PLEKHA7: variants seen among roughly 807,000 people sequenced by gnomAD.
PLEKHA7 encodes pleckstrin homology domain containing A7, also known as pleckstrin homology domain-containing family A member 7.
A neutral mutation model predicts 170.0 loss-of-function variants in PLEKHA7; 104 were observed. That is an observed-to-expected ratio of 0.61 (90% CI 0.52 to 0.72). The LOEUF (loss-of-function observed/expected upper bound fraction) is 0.72, where lower values mean the gene tolerates loss of function less well. Among genes scored for constraint, PLEKHA7 ranks in the 30% least tolerant of loss-of-function variants. The probability of loss-of-function intolerance (pLI) is 0.00; values close to 1 mark genes in which losing one functional copy is unlikely to be tolerated. For synonymous variants in PLEKHA7, 648 were observed against 660.8 expected (o/e 0.98, Z 0.30); for missense variants, 1,615 against 1,671.7 (o/e 0.97, Z 0.59).
chr11:16,975,509 T>C (rs4756880), intron 3 of PLEKHA7, among the ~76,000 whole-genome samples: 146,422 of 152,240 alleles, frequency 0.96, 70,655 homozygotes, highest in Non-Finnish European at 1. Context: ...ATGGGTTCCA[T>C]GTCAGAGAAC....
intron 3 of PLEKHA7, among the ~76,000 whole-genome samples, chr11:16,966,171 A>G (rs1862359813): frequency 6.6e-6 from 1 of 152,180 alleles, no homozygotes; most frequent in Non-Finnish European, 1.5e-5. Context: ...CGACAGAGCA[A>G]GACTCCATCT....
intron 3 of PLEKHA7, among the ~76,000 whole-genome samples, chr11:16,871,633 T>C (rs532353012): frequency 4.6e-5 from 7 of 152,322 alleles, no homozygotes; most frequent in African/African-American, 1.7e-4. Flanking sequence ...AAAATCTATC[T>C]TCTGAAAATT....
intron 3 of PLEKHA7, among the ~76,000 whole-genome samples, chr11:16,911,639 G>C (rs1246790281): frequency 1.3e-5 from 2 of 152,000 alleles, no homozygotes; most frequent in East Asian, 3.9e-4. Flanking sequence ...CAGAAGTGAG[G>C]TCTCGGGGAT....
chr11:17,002,105 T>C (rs920255443), intron 3 of PLEKHA7, among the ~76,000 whole-genome samples: 1 of 152,176 alleles, frequency 6.6e-6, no homozygotes, highest in African/African-American at 2.4e-5. Context: ...CACAGTTCTG[T>C]GTGGGGACTA....
chr11:16,919,529 G>A (rs1355817357), intron 3 of PLEKHA7, among the ~76,000 whole-genome samples: 1 of 151,974 alleles, frequency 6.6e-6, no homozygotes, highest in Non-Finnish European at 1.5e-5. Flanking sequence ...AAAACACTTA[G>A]CCAAGCATGG....
chr11:16,889,142 C>T (rs986558473), intron 3 of PLEKHA7, among the ~76,000 whole-genome samples: 1 of 151,022 alleles, frequency 6.6e-6, no homozygotes, highest in African/African-American at 2.4e-5. Flanking sequence ...CAACATTCCA[C>T]CATTGTGACT....
chr11:16,857,562 T>A lies in PLEKHA7; in HGVS notation c.306-1648A>T, dbSNP rs1423003611. The stretch of plus-strand genomic sequence containing the variant: ...TCCAGACAGAACTATGTCCAAAACA[T>A]CCTGGAACCTGGTCTTGTCTAACTC... On this transcript the variant is annotated intron_variant, in intron 4 of 26. Coordinates refer to ENST00000531066, the MANE Select transcript of PLEKHA7 (RefSeq NM_001329630.2). Among the ~76,000 whole-genome samples, 4 of 152,284 alleles carry A rather than the reference T, an allele frequency of 2.6e-5. No homozygotes were observed. The East Asian group carries it at 5.8e-4, about 22-fold the overall frequency.
chr11:16,968,294 G>T (rs1040029640), intron 3 of PLEKHA7, among the ~76,000 whole-genome samples: 6 of 152,124 alleles, frequency 3.9e-5, no homozygotes, highest in African/African-American at 1.4e-4. Context: ...CTCAGCTCTG[G>T]GCACAGAGAC....
At position 16,791,703 on chromosome 11, in the gene PLEKHA7, C is replaced by A; in HGVS notation, c.2746-504G>T. On this transcript the variant is annotated intron_variant, in intron 19 of 26. Transcript: ENST00000531066. The surrounding 1 kb of genome is among the most constrained non-coding windows in gnomAD (Gnocchi z 4.5). ...ACCTGAACAAGGACAGAGTCTACATCCTCCTGGCCTTTCTATCAGAAATGT... is the reference window on the plus strand; with the variant it reads ...ACCTGAACAAGGACAGAGTCTACATACTCCTGGCCTTTCTATCAGAAATGT... 2.2e-6 allele frequency: 1 copy of A among 457,582 alleles called. No individual in the cohort carries two copies. Among genetic ancestry groups the A allele is most frequent in the Non-Finnish European group, 4.4e-6 (1 of 227,644 alleles). 28.3% of individuals were successfully genotyped at this position (457,582 alleles called of 1,614,324 possible).
intron 9 of PLEKHA7, among the ~76,000 whole-genome samples, chr11:16,834,643 C>T (rs1009423537): frequency 7.2e-5 from 11 of 152,176 alleles, no homozygotes; most frequent in African/African-American, 2.4e-4. Context: ...GTTTTGTAAG[C>T]TGTAAATGCC....
chr11:16,995,421 A>G (rs1434285504), intron 3 of PLEKHA7, among the ~76,000 whole-genome samples: 1 of 151,946 alleles, frequency 6.6e-6, no homozygotes, highest in Non-Finnish European at 1.5e-5. Flanking sequence ...CAACACCCAC[A>G]CTGTCTCTCG....
At chr11:16,796,199 A>T (rs1250028174) in intron 17 of PLEKHA7, among the ~76,000 whole-genome samples, 1 of 152,218 alleles carries the variant, frequency 6.6e-6, no homozygotes, top group East Asian at 1.9e-4. Context: ...CTATGTAATC[A>T]TGACAGAAGG....
intron 4 of PLEKHA7, among the ~76,000 whole-genome samples, chr11:16,867,094 G>A (rs534131082): frequency 6.6e-6 from 1 of 152,152 alleles, no homozygotes; most frequent in East Asian, 1.9e-4. Flanking sequence ...GGGGGTGGGG[G>A]GTGAAGTGGG....
intron 8 of PLEKHA7, among the ~76,000 whole-genome samples, chr11:16,849,611 A>G (rs563642372): frequency 4.1e-4 from 63 of 152,362 alleles, no homozygotes; most frequent in Non-Finnish European, 7.9e-4. Flanking sequence ...AAAATAATAC[A>G]AAGTGGGAGC....
chr11:16,894,738 G>A (rs532611703), intron 3 of PLEKHA7, among the ~76,000 whole-genome samples: 10 of 152,218 alleles, frequency 6.6e-5, no homozygotes, highest in African/African-American at 9.6e-5. Flanking sequence ...CAGAGAGCCC[G>A]CCATCCCAGT....
intron 23 of PLEKHA7, chr11:16,787,668 A>G (rs1022007805): frequency 2.6e-5 from 4 of 152,194 alleles, no homozygotes; most frequent in African/African-American, 9.6e-5. Flanking sequence ...CATTATTATT[A>G]AGCAACATGT....
At chr11:17,007,531 C>T (rs1865078083) in intron 3 of PLEKHA7, among the ~76,000 whole-genome samples, 1 of 149,398 alleles carries the variant, frequency 6.7e-6, no homozygotes, top group African/African-American at 2.5e-5. Context: ...AAGGGAAAAA[C>T]TACAGAAGAA....
intron 3 of PLEKHA7, among the ~76,000 whole-genome samples, chr11:16,888,065 G>A (rs1856289026): frequency 6.6e-6 from 1 of 151,760 alleles, no homozygotes; most frequent in Admixed American, 6.6e-5. Flanking sequence ...GGGAGGTGAG[G>A]AGCGTCTCTG....
intron 3 of PLEKHA7, among the ~76,000 whole-genome samples, chr11:16,935,096 T>C (rs1348433487): frequency 2.0e-5 from 3 of 152,238 alleles, no homozygotes; most frequent in Non-Finnish European, 4.4e-5. Context: ...TCAAAGCTAC[T>C]GTGGGGAAAT....
Sources: gnomAD v4.1 joint callset for allele counts (sites outside exome capture counted in the v4.1 genomes callset) on GRCh38, gnomAD v4.1.1 for gene constraint, Gnocchi (gnomAD v3.1) non-coding constraint, MANE v1.5 for transcripts, NCBI Gene and HGNC (gene_info 2026-07-23, HGNC 2026-07-21) for gene names.